TMEM87A: variants seen among roughly 807,000 people sequenced by gnomAD.
TMEM87A encodes the protein transmembrane protein 87A.
TMEM87A carries 50 observed loss-of-function variants against 90.0 expected under a neutral mutation model. The observed-to-expected ratio is 0.56, with a 90% CI of 0.44 to 0.70. TMEM87A has a LOEUF of 0.70. Ranked by LOEUF, TMEM87A falls within the 30% of genes least tolerant of loss-of-function variation. The pLI is 0.00. For missense variants in TMEM87A, 577 were observed against 660.5 expected (o/e 0.87, Z 1.39); for synonymous variants, 226 against 226.7 (o/e 1.00, Z 0.03).
intron 8 of TMEM87A, 22 bp from the exon 9 acceptor site, chr15:42,237,637 G>A: frequency 2.6e-6 from 4 of 1,523,884 alleles, no homozygotes; most frequent in South Asian, 2.6e-5. Flanking sequence ...TTGGGTAAAA[G>A]ATAAAAAGGA....
At chr15:42,233,376 C>T in intron 10 of TMEM87A, 70 bp from the exon 11 acceptor site, 1 of 1,195,310 alleles carries the variant, frequency 8.4e-7, no homozygotes. Flanking sequence ...GTAACAGGAA[C>T]TTGTGTTAAT....
At chr15:42,247,625 T>C (rs1481594265) in intron 6 of TMEM87A, among the ~76,000 whole-genome samples, 1 of 152,170 alleles carries the variant, frequency 6.6e-6, no homozygotes, top group Non-Finnish European at 1.5e-5. Flanking sequence ...CTGAGGCCTC[T>C]GTTCTGTTCC....
At chr15:42,229,025 T>G (rs969223820) in intron 12 of TMEM87A, among the ~76,000 whole-genome samples, 5 of 152,222 alleles carry the variant, frequency 3.3e-5, no homozygotes, top group East Asian at 1.9e-4. Flanking sequence ...CCTTTTTTTT[T>G]TGTGAGGCAA....
At chr15:42,232,714 C>T (rs2050706361) in intron 11 of TMEM87A, among the ~76,000 whole-genome samples, 1 of 151,852 alleles carries the variant, frequency 6.6e-6, no homozygotes, top group Admixed American at 6.6e-5. Context: ...GATCTTCTGA[C>T]CTAGTGATCC....
intron 11 of TMEM87A, chr15:42,231,958 T>G: frequency 8.9e-7 from 1 of 1,119,308 alleles, no homozygotes; most frequent in Non-Finnish European, 1.2e-6. Flanking sequence ...TGACAGAGGG[T>G]TAAAGTTGCT....
intron 3 of TMEM87A, 79 bp from the exon 4 acceptor site, chr15:42,264,282 T>A: frequency 1.1e-6 from 1 of 892,878 alleles, no homozygotes; most frequent in Non-Finnish European, 1.8e-6. Context: ...AACAAACAGT[T>A]CACCTGCAGT....
chr15:42,222,574 T>A (rs1296831321), intron 15 of TMEM87A, among the ~76,000 whole-genome samples: 1 of 151,990 alleles, frequency 6.6e-6, no homozygotes, highest in African/African-American at 2.4e-5. Context: ...TTTTTTTTTT[T>A]TGAGACAGAG....
intron 6 of TMEM87A, among the ~76,000 whole-genome samples, chr15:42,246,276 C>T (rs2050969762): frequency 1.3e-5 from 2 of 152,006 alleles, no homozygotes; most frequent in South Asian, 4.1e-4. Flanking sequence ...TAACTATTTT[C>T]TAAGTACTGA....
At chr15:42,251,713 T>C (rs1318287260) in intron 6 of TMEM87A, among the ~76,000 whole-genome samples, 3 of 152,206 alleles carry the variant, frequency 2.0e-5, no homozygotes, top group African/African-American at 7.2e-5. Flanking sequence ...AGGGACCCAC[T>C]TGAGGAGGCA....
At chr15:42,258,995 G>C (rs758098994) in intron 6 of TMEM87A, 161 of 831,090 alleles carry the variant, frequency 1.9e-4, no homozygotes, top group South Asian at 1.9e-3. Context: ...CTGAATCTAG[G>C]AAAGAAAAGC....
In TMEM87A at chr15:42,270,875, A is replaced by C. The variant is rs534276991; in HGVS notation, c.205+1188T>G. ...AATTCTACCTGCTGTTTTCACTCCCACTAGAATGTAAGCTCGATGAGGGAA... is the reference window on the plus strand; with the variant it reads ...AATTCTACCTGCTGTTTTCACTCCCCCTAGAATGTAAGCTCGATGAGGGAA... On this transcript the variant is annotated intron_variant, in intron 2 of 19. Coordinates refer to ENST00000389834, the MANE Select transcript of TMEM87A (RefSeq NM_015497.5). Among the ~76,000 whole-genome samples the C allele has an allele frequency of 1.2e-4, 19 of 152,334 alleles. 1 individual carries two copies. In the South Asian group the frequency reaches 3.9e-3, roughly 32 times the overall value.
chr15:42,266,425 AC>A (rs1386069822), intron 3 of TMEM87A, among the ~76,000 whole-genome samples: 3 of 151,956 alleles, frequency 2.0e-5, no homozygotes. Flanking sequence ...CTGAGGCTGG[AC>A]AATCACTTGA....
intron 10 of TMEM87A, among the ~76,000 whole-genome samples, chr15:42,233,576 C>A (rs980978233): frequency 6.6e-6 from 1 of 152,200 alleles, no homozygotes; most frequent in South Asian, 2.1e-4. Context: ...GTATAATGCA[C>A]CCTTATAAAC....
chr15:42,258,659 T>C, intron 6 of TMEM87A: 1 of 1,053,528 alleles, frequency 9.5e-7, no homozygotes, highest in Non-Finnish European at 1.2e-6. Context: ...ACTCCCAACC[T>C]CAAGTCATCT....
intron 15 of TMEM87A, 125 bp from the exon 16 acceptor site, chr15:42,220,260 A>G: frequency 1.5e-6 from 1 of 680,042 alleles, no homozygotes. Context: ...CAGTTTAATA[A>G]TAATATTTCT....
intron 6 of TMEM87A, among the ~76,000 whole-genome samples, chr15:42,253,384 C>T (rs183101268): frequency 6.6e-6 from 1 of 152,304 alleles, no homozygotes; most frequent in Non-Finnish European, 1.5e-5. Flanking sequence ...GACAGTCTCT[C>T]TATTGCTTAT....
intron 6 of TMEM87A, among the ~76,000 whole-genome samples, chr15:42,245,745 T>C (rs2050960719): frequency 6.6e-6 from 1 of 152,040 alleles, no homozygotes; most frequent in Non-Finnish European, 1.5e-5. Context: ...TTGGCCAGCC[T>C]GGTCTCGAAC....
At chr15:42,258,389 G>T (rs775809915) in intron 6 of TMEM87A, 87 of 669,740 alleles carry the variant, frequency 1.3e-4, no homozygotes, top group Non-Finnish European at 1.6e-4. Context: ...TTTTCACAGT[G>T]AATATATACC....
intron 19 of TMEM87A, among the ~76,000 whole-genome samples, chr15:42,212,644 C>T (rs1278801553): frequency 6.6e-6 from 1 of 152,204 alleles, no homozygotes; most frequent in Non-Finnish European, 1.5e-5. Flanking sequence ...TCTTCAGAAA[C>T]TGCATATAGA....
Sources: allele counts gnomAD v4.1 joint callset (sites outside exome capture counted in the v4.1 genomes callset), GRCh38; gene constraint gnomAD v4.1.1; transcripts MANE v1.5; gene names NCBI Gene and HGNC (gene_info 2026-07-23, HGNC 2026-07-21).